Variants in SPAG1 observed in about 807,000 individuals in gnomAD.
The protein encoded by SPAG1 is sperm associated antigen 1.
In SPAG1, 69 loss-of-function variants were observed where a neutral mutation model predicts 100.5. The ratio of observed to expected loss-of-function variants is 0.69; its 90% CI spans 0.57 to 0.84. SPAG1 has a LOEUF of 0.84. Ranked by LOEUF, SPAG1 falls within the 40% of genes least tolerant of loss-of-function variation. The pLI is 0.00. For missense variants in SPAG1, 955 were observed against 1,133.1 expected (o/e 0.84, Z 2.26); for synonymous variants, 336 against 411.6 (o/e 0.82, Z 2.22).
chr8:100,226,625 C>A (rs1483586119), intron 14 of SPAG1, among the ~76,000 whole-genome samples: 1 of 151,832 alleles, frequency 6.6e-6, no homozygotes, highest in Non-Finnish European at 1.5e-5. Context: ...GATCCCGAGC[C>A]CAGGAAGGTT....
At chr8:100,233,183 G>T (rs1356244297) in intron 15 of SPAG1, 1 of 446,632 alleles carries the variant, frequency 2.2e-6, no homozygotes, top group Non-Finnish European at 4.1e-6. Context: ...TTGTTTTAAT[G>T]GTCTGTCTCT....
At chr8:100,171,910 T>C (rs80200338) in intron 3 of SPAG1, among the ~76,000 whole-genome samples, 1 of 152,094 alleles carries the variant, frequency 6.6e-6, no homozygotes, top group Admixed American at 6.5e-5. Context: ...TTTTTTTTTT[T>C]CTGAGACGGA....
At position 100,168,562 on chromosome 8, in the gene SPAG1, T is replaced by G. The variant is rs1166465234; in HGVS notation, c.300+2589T>G. Among the ~76,000 whole-genome samples the G allele has an allele frequency of 4.0e-5, 6 of 150,978 alleles. No homozygotes were observed. The East Asian group carries it at 1.2e-3, about 29-fold the overall frequency. ...GTGTGTACCACCACACCTGGCTATT[T>G]TTTTTTTTTTAATTGTTTGTAGAGA... On this transcript the variant is annotated intron_variant, in intron 3 of 18. Coordinates refer to ENST00000388798, the MANE Select transcript of SPAG1 (RefSeq NM_003114.5).
chr8:100,166,523 C>G (rs1304117567), intron 3 of SPAG1, among the ~76,000 whole-genome samples: 1 of 151,998 alleles, frequency 6.6e-6, no homozygotes, highest in Admixed American at 6.6e-5. Context: ...TCCCAAAGTG[C>G]TGGGATTACA....
At chr8:100,204,160 A>T (rs146688171) in intron 10 of SPAG1, among the ~76,000 whole-genome samples, 1 of 152,212 alleles carries the variant, frequency 6.6e-6, no homozygotes, top group African/African-American at 2.4e-5. Context: ...CGCAACAGTG[A>T]TGGCCTCCCG....
intron 12 of SPAG1, among the ~76,000 whole-genome samples, chr8:100,218,818 G>T (rs1246129120): frequency 6.6e-6 from 1 of 152,210 alleles, no homozygotes; most frequent in Non-Finnish European, 1.5e-5. Flanking sequence ...CTGAGTATCT[G>T]TATGATGTGG....
intron 12 of SPAG1, among the ~76,000 whole-genome samples, chr8:100,219,323 A>G (rs1048524867): frequency 6.6e-6 from 1 of 152,246 alleles, no homozygotes; most frequent in Admixed American, 6.5e-5. Context: ...AGTTGAAAGA[A>G]TAAATCCACC....
At chr8:100,231,590 G>A (rs911147249) in intron 15 of SPAG1, among the ~76,000 whole-genome samples, 1 of 152,222 alleles carries the variant, frequency 6.6e-6, no homozygotes, top group African/African-American at 2.4e-5. Flanking sequence ...GCATTTCCTG[G>A]CTTGCCGGCC....
Position 100,213,400 on chromosome 8 carries a change from G to C in SPAG1, c.1407G>C (p.Ser469=), listed in dbSNP as rs1271338446. Residue 469 remains serine (S), a synonymous_variant, in exon 11 of 19, where the codon TCG becomes TCC. Transcript: ENST00000388798. ...GQFAEAAGKY[S]AAIALLEPAG... ...TCGCCGAGGCGGCCGGCAAGTACTC[G>C]GCGGCAATCGCGCTCCTGGAGCCAG... is the stretch of plus-strand genomic sequence containing the variant. The C allele has an allele frequency of 1.4e-6, 2 of 1,440,208 alleles. No individual in the cohort carries two copies. The highest frequency in any genetic ancestry group is 1.8e-6 in the Non-Finnish European group (2 of 1,095,518). The allele number at this position is 1,440,208 out of a possible 1,614,324, so 89.2% of individuals were successfully genotyped here.
At chr8:100,214,412 ATGG>A (rs1274807271) in intron 12 of SPAG1, among the ~76,000 whole-genome samples, 1 of 151,994 alleles carries the variant, frequency 6.6e-6, no homozygotes, top group East Asian at 1.9e-4. Flanking sequence ...GTTGCCCCTA[ATGG>A]TGGTAATGCC....
intron 10 of SPAG1, among the ~76,000 whole-genome samples, chr8:100,195,844 A>G (rs933104336): frequency 2.0e-5 from 3 of 152,200 alleles, no homozygotes; most frequent in African/African-American, 7.2e-5. Context: ...CACCATAGTC[A>G]GGATACAGAA....
intron 3 of SPAG1, among the ~76,000 whole-genome samples, chr8:100,172,656 GTGTGTGTGTGTA>G (rs1190262677): frequency 3.3e-5 from 5 of 151,572 alleles, no homozygotes; most frequent in African/African-American, 7.3e-5. Flanking sequence ...GTGTGTGTGT[GTGTGTGTGTGTA>G]TGTGTGTGTG....
At chr8:100,228,549 C>A (rs1190178556) in intron 14 of SPAG1, among the ~76,000 whole-genome samples, 4 of 151,828 alleles carry the variant, frequency 2.6e-5, no homozygotes, top group Non-Finnish European at 2.9e-5. Flanking sequence ...CCTGTCTCTA[C>A]TAAAAATACA....
chr8:100,224,862 A>G (rs1418203005), intron 13 of SPAG1, among the ~76,000 whole-genome samples: 2 of 152,180 alleles, frequency 1.3e-5, no homozygotes, highest in African/African-American at 4.8e-5. Context: ...GGCCTCCTAA[A>G]TTTTAGTTTT....
rs142644017 is a variant in SPAG1 at position 100,238,517 on chromosome 8, T to C, written c.2116-723T>C. Among the ~76,000 whole-genome samples the C allele has an allele frequency of 4.6e-3, 706 of 152,354 alleles. 6 individuals carry two copies. Among genetic ancestry groups the C allele is most frequent in the African/African-American group, 0.016 (670 of 41,576 alleles). ...TGGTTTATTCAAAACATGGGTCTAG[T>C]CTGTAGTTTAGAACATAGCTTGTCA... is the stretch of plus-strand genomic sequence containing the variant. On this transcript the variant is annotated intron_variant, in intron 16 of 18. Transcript: ENST00000388798.
At chr8:100,207,352 C>A (rs1187797594) in intron 10 of SPAG1, among the ~76,000 whole-genome samples, 2 of 152,218 alleles carry the variant, frequency 1.3e-5, no homozygotes, top group Non-Finnish European at 2.9e-5. Context: ...CTCCCCCAGC[C>A]TGCACCGATG....
chr8:100,225,399 A>G (rs1818464871), intron 14 of SPAG1, 60 bp downstream of exon 14: 1 of 1,481,878 alleles, frequency 6.7e-7, no homozygotes, highest in African/African-American at 1.4e-5. Context: ...GTGTACTTTC[A>G]CAGTAAAGCA....
intron 10 of SPAG1, among the ~76,000 whole-genome samples, chr8:100,196,167 A>G (rs958932339): frequency 6.6e-6 from 1 of 152,230 alleles, no homozygotes; most frequent in African/African-American, 2.4e-5. Flanking sequence ...TCATGAGTAA[A>G]AACTGCTATA....
At chr8:100,190,548 C>G (rs1816769244) in intron 8 of SPAG1, among the ~76,000 whole-genome samples, 1 of 152,058 alleles carries the variant, frequency 6.6e-6, no homozygotes, top group Non-Finnish European at 1.5e-5. Flanking sequence ...CATCAGGATT[C>G]TCTCAGTTCC....
Sources: allele counts gnomAD v4.1 joint callset (sites outside exome capture counted in the v4.1 genomes callset), GRCh38; gene constraint gnomAD v4.1.1; transcripts MANE v1.5; gene names NCBI Gene and HGNC (gene_info 2026-07-23, HGNC 2026-07-21).